The following BANK1 variants were observed in gnomAD, a reference collection of about 807,000 sequenced individuals.
BANK1 encodes the protein B-cell scaffold protein with ankyrin repeats.
In BANK1, 95 loss-of-function variants were observed where a neutral mutation model predicts 94.5. The ratio of observed to expected loss-of-function variants is 1.00; its 90% CI spans 0.85 to 1.19. The LOEUF (loss-of-function observed/expected upper bound fraction) is 1.19. Among genes scored for constraint, BANK1 ranks in the 50% most tolerant of loss-of-function variants. BANK1 has a pLI of 0.00. For missense variants in BANK1, 987 were observed against 932.2 expected (o/e 1.06, Z -0.77); for synonymous variants, 334 against 308.4 (o/e 1.08, Z -0.87).
intron 6 of BANK1, among the ~76,000 whole-genome samples, chr4:101,896,313 T>C (rs73836632): frequency 7.8e-4 from 118 of 152,100 alleles, no homozygotes; most frequent in African/African-American, 2.7e-3. Context: ...AGCTAAAGAA[T>C]GTAAGAAGTC....
At chr4:101,880,600 G>A (rs1728641535) in intron 5 of BANK1, among the ~76,000 whole-genome samples, 1 of 151,826 alleles carries the variant, frequency 6.6e-6, no homozygotes, top group South Asian at 2.1e-4. Context: ...ATGAAACCAC[G>A]AAAGACTCAG....
chr4:102,041,008 CT>C (rs2148955073), intron 10 of BANK1, among the ~76,000 whole-genome samples: 1 of 152,168 alleles, frequency 6.6e-6, no homozygotes, highest in South Asian at 2.1e-4. Flanking sequence ...TGGTATACAA[CT>C]TTTTGGTTAC....
chr4:101,894,220 A>G (rs1423789791), intron 5 of BANK1, among the ~76,000 whole-genome samples: 5 of 151,922 alleles, frequency 3.3e-5, no homozygotes, highest in African/African-American at 1.2e-4. Flanking sequence ...TTTTTGTCAC[A>G]TTTTCCCTTC....
At chr4:102,065,286 AAGATCTATCTGGGAGAC>A (rs1314343242) in intron 13 of BANK1, among the ~76,000 whole-genome samples, 4 of 152,166 alleles carry the variant, frequency 2.6e-5, no homozygotes, top group Non-Finnish European at 5.9e-5. Context: ...AAGCCCCAAC[AAGATCTATCTGGGAGAC>A]AGAGTTTGTA....
At chr4:101,877,163 C>A (rs913444626) in intron 5 of BANK1, among the ~76,000 whole-genome samples, 3 of 152,012 alleles carry the variant, frequency 2.0e-5, no homozygotes, top group Non-Finnish European at 2.9e-5. Context: ...GATAATTTCC[C>A]AACCTAGAGA....
At chr4:101,831,432 A>G (rs17200824) in intron 2 of BANK1, among the ~76,000 whole-genome samples, 41,124 of 151,840 alleles carry the variant, frequency 0.27, 5,719 homozygotes, top group Non-Finnish European at 0.3. Context: ...ATTCCTTCTT[A>G]TTTTCCAGTA....
At chr4:101,847,776 T>C (rs528593224) in intron 2 of BANK1, among the ~76,000 whole-genome samples, 215 of 139,922 alleles carry the variant, frequency 1.5e-3, no homozygotes, top group African/African-American at 4.4e-3. Flanking sequence ...CACACACACA[T>C]ATGTCTCACA....
chr4:101,846,965 A>G (rs185574737), intron 2 of BANK1, among the ~76,000 whole-genome samples: 49 of 152,264 alleles, frequency 3.2e-4, no homozygotes, highest in South Asian at 1.2e-3. Context: ...CTTATTAAAA[A>G]TGGCAACTTC....
At chr4:101,917,063 T>C (rs1722851427) in intron 6 of BANK1, among the ~76,000 whole-genome samples, 1 of 152,006 alleles carries the variant, frequency 6.6e-6, no homozygotes. Flanking sequence ...GTGTATGAAC[T>C]AAGATGATTA....
Position 102,037,270 on chromosome 4 carries a change from A to G in BANK1, c.1901-6569A>G, listed in dbSNP as rs201275840. On this transcript the variant is annotated intron_variant, in intron 10 of 16. Transcript: ENST00000322953. ...TCTTACATGCACTGGACAGCCCCAT[A>G]ACAAAGAATTATCCAGTCTAAAGTG... Among the ~76,000 whole-genome samples the G allele has an allele frequency of 7.2e-5, 11 of 152,354 alleles. No homozygotes were observed. In the East Asian group the frequency reaches 2.1e-3, roughly 29 times the overall value.
rs2148891102 is a variant in BANK1 at position 101,895,409 on chromosome 4, A to G, written c.1008A>G (p.Lys336=). The G allele has an allele frequency of 6.6e-7, 1 of 1,513,648 alleles. No homozygotes were observed. Among genetic ancestry groups the G allele is most frequent in the East Asian group, 2.3e-5 (1 of 43,304 alleles). 93.8% of individuals were successfully genotyped at this position (1,513,648 alleles called of 1,614,324 possible). A position where few individuals can be genotyped will look rare whatever the true frequency, so the allele number is the denominator to read the frequency against. Residue 336 remains lysine, a splice_region_variant and synonymous_variant, in exon 6 of 17, where the codon AAA becomes AAG. Transcript: ENST00000322953. ...AAACTGAAATTTGTTCTCAAAACAA[A>G]TGTGAGTATTTTCCAGCTGCATCAA... ...SLQTEICSQN[K]YTHFKELPTL...
intron 5 of BANK1, among the ~76,000 whole-genome samples, chr4:101,881,832 G>A (rs1026256482): frequency 3.3e-5 from 5 of 151,828 alleles, no homozygotes; most frequent in Non-Finnish European, 2.9e-5. Context: ...GACAAACATC[G>A]CATGTTCTCA....
At chr4:102,018,640 T>C (rs1481385002) in intron 7 of BANK1, among the ~76,000 whole-genome samples, 1 of 152,200 alleles carries the variant, frequency 6.6e-6, no homozygotes, top group African/African-American at 2.4e-5. Flanking sequence ...TATCTGTGGG[T>C]TGAAATATTA....
chr4:101,860,820 C>T (rs1471464506), intron 3 of BANK1, among the ~76,000 whole-genome samples: 4 of 152,062 alleles, frequency 2.6e-5, no homozygotes, highest in African/African-American at 4.8e-5. Context: ...GTGTACTATC[C>T]AAATGTGGAA....
intron 6 of BANK1, among the ~76,000 whole-genome samples, chr4:101,895,812 A>G (rs1044247509): frequency 6.6e-6 from 1 of 151,904 alleles, no homozygotes; most frequent in Non-Finnish European, 1.5e-5. Flanking sequence ...AGAAATTAAT[A>G]TTATTATAAA....
At chr4:101,932,184 G>A (rs1723374154) in intron 7 of BANK1, among the ~76,000 whole-genome samples, 1 of 151,434 alleles carries the variant, frequency 6.6e-6, no homozygotes, top group Non-Finnish European at 1.5e-5. Flanking sequence ...CAAAACATCG[G>A]TGGATCCTTC....
At chr4:101,969,543 C>T (rs1334452477) in intron 7 of BANK1, among the ~76,000 whole-genome samples, 1 of 151,964 alleles carries the variant, frequency 6.6e-6, no homozygotes, top group Admixed American at 6.6e-5. Context: ...AACACACTGC[C>T]TTCCATTCCA....
At chr4:101,910,065 C>G in intron 6 of BANK1, among the ~76,000 whole-genome samples, 1 of 152,068 alleles carries the variant, frequency 6.6e-6, no homozygotes, top group Non-Finnish European at 1.5e-5. Flanking sequence ...TTGTTAGAAC[C>G]AAGCCCCTGT....
intron 1 of BANK1, among the ~76,000 whole-genome samples, chr4:101,812,741 C>T (rs1311725852): frequency 6.6e-6 from 1 of 151,954 alleles, no homozygotes; most frequent in African/African-American, 2.4e-5. Flanking sequence ...TTGCATACTT[C>T]TAAGTGTCAA....
Sources: allele counts gnomAD v4.1 joint callset (sites outside exome capture counted in the v4.1 genomes callset), GRCh38; gene constraint gnomAD v4.1.1; transcripts MANE v1.5; gene names NCBI Gene and HGNC (gene_info 2026-07-23, HGNC 2026-07-21).